The following DLGAP2 variants were observed in gnomAD, a reference collection of about 807,000 sequenced individuals.
The protein encoded by DLGAP2 is DLG associated protein 2.
In DLGAP2, 26 loss-of-function variants were observed where a neutral mutation model predicts 100.3. That is an observed-to-expected ratio of 0.26 (90% CI 0.19 to 0.36). The LOEUF (loss-of-function observed/expected upper bound fraction) is 0.36, where lower values mean the gene tolerates loss of function less well. Ranked by LOEUF, DLGAP2 falls within the 10% of genes least tolerant of loss-of-function variation. The pLI is 1.00. For missense variants in DLGAP2, 1,858 were observed against 1,453.2 expected, an observed-to-expected ratio of 1.28 and a Z score of -4.53; for synonymous variants, 886 against 630.1, an observed-to-expected ratio of 1.41 and a Z score of -6.08.
intron 3 of DLGAP2, among the ~76,000 whole-genome samples, chr8:1,373,313 A>C (rs1056227137): frequency 5.9e-5 from 9 of 151,900 alleles, no homozygotes; most frequent in African/African-American, 1.9e-4. Context: ...CGCGGGCGGC[A>C]GCTGACGGGC....
intron 3 of DLGAP2, among the ~76,000 whole-genome samples, chr8:1,332,567 G>A (rs760310229): frequency 3.3e-5 from 5 of 152,110 alleles, no homozygotes; most frequent in African/African-American, 4.8e-5. Flanking sequence ...TTGCTATGAC[G>A]GAGCTTCCCT....
chr8:1,617,359 T>G (rs1246307305), intron 6 of DLGAP2, among the ~76,000 whole-genome samples: 1 of 152,206 alleles, frequency 6.6e-6, no homozygotes, highest in Non-Finnish European at 1.5e-5. Flanking sequence ...GTATGAGCAT[T>G]CCCTTTTCTT....
intron 2 of DLGAP2, among the ~76,000 whole-genome samples, chr8:931,373 C>G (rs1048555499): frequency 6.6e-6 from 1 of 152,248 alleles, no homozygotes; most frequent in Non-Finnish European, 1.5e-5. Flanking sequence ...AACAAGAGCG[C>G]TCTGCCTCTC....
intron 3 of DLGAP2, among the ~76,000 whole-genome samples, chr8:1,493,953 C>T (rs1285189717): frequency 6.6e-6 from 1 of 152,228 alleles, no homozygotes; most frequent in Middle Eastern, 3.2e-3. Flanking sequence ...ACTCACAAGA[C>T]TGGTGGGAAC....
At chr8:1,523,995 C>T (rs899597965) in intron 4 of DLGAP2, among the ~76,000 whole-genome samples, 2 of 152,186 alleles carry the variant, frequency 1.3e-5, no homozygotes, top group African/African-American at 2.4e-5. Context: ...GCCGCAAGTC[C>T]GGATTCGGCA....
intron 2 of DLGAP2, among the ~76,000 whole-genome samples, chr8:1,075,870 C>A (rs1222258017): frequency 1.3e-5 from 2 of 151,532 alleles, no homozygotes; most frequent in Non-Finnish European, 2.9e-5. Flanking sequence ...AGTTCAAGAC[C>A]AGCCTGGGCA....
intron 6 of DLGAP2, among the ~76,000 whole-genome samples, chr8:1,578,902 C>A (rs1803108511): frequency 6.6e-6 from 1 of 152,214 alleles, no homozygotes; most frequent in African/African-American, 2.4e-5. Context: ...GTGGGTCAGA[C>A]CCTGCCCACG....
chr8:780,558 C>A (rs536197361), intron 1 of DLGAP2, among the ~76,000 whole-genome samples: 14 of 152,326 alleles, frequency 9.2e-5, no homozygotes, highest in African/African-American at 3.4e-4. Context: ...CAGTTTTCCA[C>A]AGCATTTCAC....
chr8:1,059,843 C>G (rs1283663599), intron 2 of DLGAP2, among the ~76,000 whole-genome samples: 1 of 152,130 alleles, frequency 6.6e-6, no homozygotes, highest in African/African-American at 2.4e-5. Flanking sequence ...GTGGGACCGA[C>G]CATATGGGGC....
At chr8:1,267,802 A>G (rs371714568) in intron 3 of DLGAP2, among the ~76,000 whole-genome samples, 17 of 151,900 alleles carry the variant, frequency 1.1e-4, no homozygotes, top group East Asian at 9.7e-4. Flanking sequence ...TGTTTGTCCC[A>G]CGCTGAGCTC....
At chr8:1,360,343 A>G (rs550543057) in intron 3 of DLGAP2, among the ~76,000 whole-genome samples, 6 of 151,358 alleles carry the variant, frequency 4.0e-5, no homozygotes, top group African/African-American at 1.5e-4. Context: ...GGTGCTTTCA[A>G]CAAATCACCA....
chr8:1,384,038 G>A (rs953795741), intron 3 of DLGAP2, among the ~76,000 whole-genome samples: 14 of 152,150 alleles, frequency 9.2e-5, no homozygotes, highest in African/African-American at 2.2e-4. Flanking sequence ...AGGGGTTTTC[G>A]TTATTCACTG....
chr8:965,798 C>T (rs558790272), intron 2 of DLGAP2, among the ~76,000 whole-genome samples: 58 of 149,274 alleles, frequency 3.9e-4, no homozygotes, highest in African/African-American at 1.4e-3. Flanking sequence ...CCACACAGGG[C>T]TCCTGAGTCT....
At chr8:1,044,416 G>C (rs1379190511) in intron 2 of DLGAP2, among the ~76,000 whole-genome samples, 4 of 152,178 alleles carry the variant, frequency 2.6e-5, no homozygotes, top group Admixed American at 6.5e-5. Flanking sequence ...GGCTGCACAG[G>C]CTGGAGGGCC....
chr8:1,145,604 C>G (rs925225320), intron 2 of DLGAP2, among the ~76,000 whole-genome samples: 1 of 151,982 alleles, frequency 6.6e-6, no homozygotes, highest in African/African-American at 2.4e-5. Context: ...TTTGGTGAAT[C>G]TATGGATGTA....
chr8:1,195,094 G>C (rs570611974), intron 2 of DLGAP2, among the ~76,000 whole-genome samples: 4 of 152,364 alleles, frequency 2.6e-5, no homozygotes, highest in Middle Eastern at 3.4e-3. Context: ...CCAGGCCCCC[G>C]GCATCCTCAT....
intron 2 of DLGAP2, among the ~76,000 whole-genome samples, chr8:997,945 AAC>A (rs1432562149): frequency 4.6e-5 from 7 of 152,148 alleles, no homozygotes; most frequent in Non-Finnish European, 2.9e-5. Context: ...CATACAGACA[AAC>A]ACATCACACA....
chr8:1,127,375 T>TGGCCCTGCATATGGA (rs1307235100), intron 2 of DLGAP2, among the ~76,000 whole-genome samples: 8 of 151,992 alleles, frequency 5.3e-5, no homozygotes, highest in Non-Finnish European at 1.0e-4. Flanking sequence ...CCAGGTCTGG[T>TGGCCCTGCATATGGA]GGCCCTGCAT....
chr8:1,549,657 G>T lies in DLGAP2; in HGVS notation c.1204G>T (p.Ala402Ser). 1.3e-6 allele frequency: 2 copies of T among 1,562,036 alleles called. No individual in the cohort carries two copies. Among genetic ancestry groups the T allele is most frequent in the South Asian group, 1.2e-5 (1 of 86,200 alleles). The change falls in exon 5 of 15, where the codon GCC becomes TCC. Residue 402 changes from alanine (A) to serine (S), a missense_variant. Physicochemically the swap from Ala to Ser is moderately conservative, Grantham distance 99. Coordinates refer to ENST00000637795, the MANE Select transcript of DLGAP2 (RefSeq NM_001346810.2). ...GCTGCTGCACCAGGACGCCAAGCCC[G>T]CCCTGAGGCCGTGCCACTACCTCCA... ...KPLLHQDAKP[A>S]LRPCHYLQVP...
Sources: gnomAD v4.1 joint callset for allele counts (sites outside exome capture counted in the v4.1 genomes callset) on GRCh38, gnomAD v4.1.1 for gene constraint, MANE v1.5 for transcripts, NCBI Gene and HGNC (gene_info 2026-07-23, HGNC 2026-07-21) for gene names.